OPCML: variants seen among roughly 807,000 people sequenced by gnomAD.
OPCML encodes the protein opioid-binding protein/cell adhesion molecule.
A neutral mutation model predicts 37.8 loss-of-function variants in OPCML; 13 were observed. The ratio of observed to expected loss-of-function variants is 0.34; its 90% CI spans 0.22 to 0.55. The LOEUF is 0.55. OPCML is among the 20% of genes least tolerant of loss of function. The pLI is 0.91. For synonymous variants in OPCML, 176 were observed against 168.8 expected, an observed-to-expected ratio of 1.04 and a Z score of -0.33; for missense variants, 341 against 435.6, an observed-to-expected ratio of 0.78 and a Z score of 1.93.
chr11:132,439,046 G>A (rs1461899281), intron 4 of OPCML, among the ~76,000 whole-genome samples: 1 of 152,138 alleles, frequency 6.6e-6, no homozygotes, highest in African/African-American at 2.4e-5. Context: ...AGTCCAATCT[G>A]TGCAATTCCA....
intron 1 of OPCML, among the ~76,000 whole-genome samples, chr11:133,056,473 A>G (rs1948241758): frequency 6.6e-6 from 1 of 152,218 alleles, no homozygotes; most frequent in Non-Finnish European, 1.5e-5. Context: ...TCTTTTTATG[A>G]AAACCAAAAT....
intron 1 of OPCML, among the ~76,000 whole-genome samples, chr11:133,264,554 T>C (rs1228122883): frequency 1.3e-5 from 2 of 152,150 alleles, no homozygotes; most frequent in African/African-American, 4.8e-5. Context: ...AACAGTCCTA[T>C]GCGGTGAATG....
intron 2 of OPCML, among the ~76,000 whole-genome samples, chr11:132,893,125 A>G (rs1943714389): frequency 6.6e-6 from 1 of 151,910 alleles, no homozygotes; most frequent in Admixed American, 6.6e-5. Flanking sequence ...GGTGTTTTAG[A>G]CCCTTCGTTG....
At position 132,436,161 on chromosome 11, in the gene OPCML, C is replaced by G; in HGVS notation, c.841G>C (p.Glu281Gln). 1 of 1,614,232 alleles carries G rather than the reference C, an allele frequency of 6.2e-7. No homozygotes were observed. Among genetic ancestry groups the G allele is most frequent in the Non-Finnish European group, 8.5e-7 (1 of 1,180,034 alleles). Reference protein sequence around the residue: ...MSTLTFFNVSEKDYGNYTCVA... With the variant: ...MSTLTFFNVSQKDYGNYTCVA... ...CAAGTATAGTTCCCATAATCCTTTT[C>G]TGAAACATTGAAGAAAGTCAGAGTG... Residue 281 changes from glutamate (E) to glutamine (Q), a missense_variant, in exon 7 of 8, where the codon GAA becomes CAA. Transcript: ENST00000524381.
At chr11:133,086,913 C>T (rs1405836465) in intron 1 of OPCML, among the ~76,000 whole-genome samples, 5 of 152,186 alleles carry the variant, frequency 3.3e-5, no homozygotes, top group Non-Finnish European at 5.9e-5. Flanking sequence ...GCAAGATTTC[C>T]TTCCTTGTTA....
chr11:133,478,147 G>C (rs1193043414), intron 1 of OPCML, among the ~76,000 whole-genome samples: 1 of 152,186 alleles, frequency 6.6e-6, no homozygotes, highest in Non-Finnish European at 1.5e-5. Flanking sequence ...CAGGGTGGCA[G>C]TACAGAATCC....
chr11:133,308,589 C>A (rs1942990101), intron 1 of OPCML, among the ~76,000 whole-genome samples: 1 of 152,004 alleles, frequency 6.6e-6, no homozygotes, highest in African/African-American at 2.4e-5. Context: ...ATGAGTTAGT[C>A]CACATCCGTA....
At chr11:133,376,404 T>G (rs763211610) in intron 1 of OPCML, among the ~76,000 whole-genome samples, 1 of 152,182 alleles carries the variant, frequency 6.6e-6, no homozygotes, top group Non-Finnish European at 1.5e-5. Context: ...AGCTGCAATA[T>G]TGTGATGACA....
intron 1 of OPCML, among the ~76,000 whole-genome samples, chr11:133,242,452 G>C (rs951263487): frequency 6.6e-6 from 1 of 152,148 alleles, no homozygotes; most frequent in Admixed American, 6.5e-5. Flanking sequence ...AGAGGTAGGA[G>C]TCTGAGATCC....
rs184854461 is a variant in OPCML, at chr11:133,324,578, C to T, written c.61+207686G>A. Among the ~76,000 whole-genome samples, 364 of 152,292 alleles carry T rather than the reference C, an allele frequency of 2.4e-3. 1 individual carries two copies. Among genetic ancestry groups the T allele is most frequent in the Non-Finnish European group, 4.2e-3 (287 of 68,018 alleles). ...TCCTTTTTAGAAGCAACTGCTAAGA[C>T]GCCTACGGGCCTCTGTGCCCCAGGT... On this transcript the variant is annotated intron_variant, in intron 1 of 7. Transcript: ENST00000524381.
intron 1 of OPCML, among the ~76,000 whole-genome samples, chr11:133,210,286 G>A (rs746516811): frequency 6.6e-5 from 10 of 152,182 alleles, no homozygotes; most frequent in Admixed American, 2.0e-4. Flanking sequence ...TGTTAACAGC[G>A]GATGGACAGA....
At chr11:132,832,106 C>T (rs1248697614) in intron 2 of OPCML, among the ~76,000 whole-genome samples, 5 of 152,076 alleles carry the variant, frequency 3.3e-5, no homozygotes, top group African/African-American at 1.2e-4. Flanking sequence ...CCACAGCCTT[C>T]TACCTGCAAG....
At chr11:132,493,363 G>A (rs913996049) in intron 4 of OPCML, among the ~76,000 whole-genome samples, 6 of 152,196 alleles carry the variant, frequency 3.9e-5, no homozygotes, top group African/African-American at 1.4e-4. Flanking sequence ...ATCCAGACAA[G>A]GAGGATATGT....
chr11:132,937,486 G>T (rs961851951), intron 2 of OPCML, among the ~76,000 whole-genome samples: 1 of 151,988 alleles, frequency 6.6e-6, no homozygotes, highest in Non-Finnish European at 1.5e-5. Context: ...GACAGAGAGA[G>T]AGAGAGAGAG....
At chr11:133,231,698 G>A (rs1301656939) in intron 1 of OPCML, among the ~76,000 whole-genome samples, 1 of 152,106 alleles carries the variant, frequency 6.6e-6, no homozygotes, top group Non-Finnish European at 1.5e-5. Flanking sequence ...GTGACCTTGG[G>A]CAGTATGCAT....
rs1278523240 is a variant in OPCML at position 133,174,258 on chromosome 11, T to C, written c.62-231248A>G. 6.6e-6 allele frequency among the ~76,000 whole-genome samples: 1 copy of C among 152,096 alleles called. No homozygotes were observed. Among genetic ancestry groups the C allele is most frequent in the Non-Finnish European group, 1.5e-5 (1 of 68,020 alleles). ...TAACTCCTAGAAGGCGAAGCATGAT[T>C]AGAACCAAGCCTTCCTGCCAAACGT... On this transcript the variant is annotated intron_variant, in intron 1 of 7. Coordinates refer to ENST00000524381, the MANE Select transcript of OPCML (RefSeq NM_001012393.5). This position sits in a 1 kb window ranked among gnomAD's most constrained non-coding sequence, Gnocchi z 4.6.
At chr11:133,080,759 A>C (rs1444316567) in intron 1 of OPCML, among the ~76,000 whole-genome samples, 1 of 152,176 alleles carries the variant, frequency 6.6e-6, no homozygotes, top group Non-Finnish European at 1.5e-5. Context: ...GAAGGAGCTC[A>C]ATGGTTTTTA....
intron 1 of OPCML, among the ~76,000 whole-genome samples, chr11:133,521,919 C>T (rs1241500064): frequency 2.0e-5 from 3 of 152,202 alleles, no homozygotes; most frequent in East Asian, 3.9e-4. Context: ...TGTCCTGTTT[C>T]GGCCTGCTAC....
intron 1 of OPCML, among the ~76,000 whole-genome samples, chr11:133,277,542 C>A (rs753086121): frequency 2.0e-5 from 3 of 152,100 alleles, no homozygotes; most frequent in Non-Finnish European, 2.9e-5. Context: ...CCATCTGAGC[C>A]TGGACAATGG....
Sources: gnomAD v4.1 joint callset for allele counts (sites outside exome capture counted in the v4.1 genomes callset) on GRCh38, gnomAD v4.1.1 for gene constraint, Gnocchi (gnomAD v3.1) non-coding constraint, MANE v1.5 for transcripts, NCBI Gene and HGNC (gene_info 2026-07-23, HGNC 2026-07-21) for gene names.